The following RRBP1 variants were observed in gnomAD, a reference collection of about 807,000 sequenced individuals.
RRBP1 encodes the protein ribosome-binding protein 1.
In RRBP1, 94 loss-of-function variants were observed where a neutral mutation model predicts 165.2. The observed-to-expected ratio is 0.57, with a 90% CI of 0.48 to 0.68. The LOEUF (loss-of-function observed/expected upper bound fraction) is 0.68, where lower values mean the gene tolerates loss of function less well. RRBP1 is among the 30% of genes least tolerant of loss of function. The pLI is 0.00. For synonymous variants in RRBP1, 680 were observed against 714.5 expected (o/e 0.95, Z 0.77); for missense variants, 1,676 against 1,763.0 (o/e 0.95, Z 0.88).
intron 8 of RRBP1, among the ~76,000 whole-genome samples, chr20:17,630,777 G>A (rs2036134304): frequency 6.6e-6 from 1 of 152,244 alleles, no homozygotes; most frequent in African/African-American, 2.4e-5. Context: ...TCATTAACAA[G>A]CTTGTCTGGG....
intron 24 of RRBP1, among the ~76,000 whole-genome samples, 183 bp from the exon 25 acceptor site, chr20:17,614,403 A>G (rs1159049837): frequency 6.6e-6 from 1 of 152,090 alleles, no homozygotes; most frequent in Non-Finnish European, 1.5e-5. Context: ...GTGGGAGCTG[A>G]GGGGAAACCA....
At chr20:17,640,926 C>T (rs1414753596) in intron 5 of RRBP1, among the ~76,000 whole-genome samples, 1 of 152,228 alleles carries the variant, frequency 6.6e-6, no homozygotes, top group Admixed American at 6.5e-5. Context: ...GACAGTCCAC[C>T]ATCCAGGCCC....
At chr20:17,644,413 A>G (rs1188004498) in intron 3 of RRBP1, among the ~76,000 whole-genome samples, 1 of 152,208 alleles carries the variant, frequency 6.6e-6, no homozygotes, top group Non-Finnish European at 1.5e-5. Flanking sequence ...ATTCTAACCC[A>G]AAAGCCAAAA....
chr20:17,649,894 T>C (rs560004823), intron 3 of RRBP1, among the ~76,000 whole-genome samples: 106 of 152,214 alleles, frequency 7.0e-4, no homozygotes, highest in African/African-American at 2.3e-3. Flanking sequence ...GCCTTTAACT[T>C]CCCACCTTAC....
At chr20:17,673,472 G>C (rs907341195) in intron 2 of RRBP1, among the ~76,000 whole-genome samples, 1 of 152,098 alleles carries the variant, frequency 6.6e-6, no homozygotes, top group African/African-American at 2.4e-5. Flanking sequence ...GCAGTGGTAC[G>C]ATCCCGGCTC....
intron 2 of RRBP1, among the ~76,000 whole-genome samples, chr20:17,666,341 TAAAAAA>T (rs77772144): frequency 4.2e-5 from 6 of 142,532 alleles, no homozygotes; most frequent in African/African-American, 1.5e-4. Context: ...CCCTGTCTCT[TAAAAAA>T]AAAAAAAAAG....
chr20:17,630,081 A>T, intron 8 of RRBP1, 120 bp from the exon 9 acceptor site: 1 of 1,147,634 alleles, frequency 8.7e-7, no homozygotes, highest in Non-Finnish European at 1.2e-6. Context: ...TCTCTGGTCC[A>T]TGTGGGAAGG....
intron 19 of RRBP1, 117 bp from the exon 20 acceptor site, chr20:17,618,796 A>C: frequency 2.6e-6 from 2 of 768,078 alleles, no homozygotes; most frequent in Admixed American, 4.1e-5. Flanking sequence ...CAAAACCCTG[A>C]GGAGGGTCAC....
rs1488353594 is a variant in RRBP1 at position 17,616,855 on chromosome 20, G to A, written c.3760-16C>T. On this transcript the variant is annotated splice_polypyrimidine_tract_variant and intron_variant, in intron 20 of 24. Transcript: ENST00000377813. ...GCTGCCTGACCTGGAACAGGAAGGG[G>A]TGTGTTTGCAAATGCACAGCCAGTC... 2 of 1,594,180 alleles carry A rather than the reference G, an allele frequency of 1.3e-6. No individual in the cohort carries two copies. Among genetic ancestry groups the A allele is most frequent in the Admixed American group, 1.7e-5 (1 of 59,816 alleles).
intron 23 of RRBP1, 114 bp downstream of exon 23, chr20:17,615,317 G>T: frequency 2.5e-6 from 2 of 793,400 alleles, no homozygotes; most frequent in Non-Finnish European, 4.0e-6. Context: ...CAGTGCCAAG[G>T]GCAGGTCCCG....
intron 4 of RRBP1, 51 bp from the exon 5 acceptor site, chr20:17,641,970 C>T: frequency 4.4e-6 from 7 of 1,581,954 alleles, no homozygotes; most frequent in Non-Finnish European, 6.0e-6. Context: ...GGACTTGGCT[C>T]ATCCCCTGAC....
At chr20:17,654,907 T>C (rs1195341511) in intron 3 of RRBP1, among the ~76,000 whole-genome samples, 1 of 152,256 alleles carries the variant, frequency 6.6e-6, no homozygotes, top group African/African-American at 2.4e-5. Context: ...TCAGTTGTTT[T>C]AACATCTGGA....
At chr20:17,655,027 A>G (rs940084063) in intron 3 of RRBP1, among the ~76,000 whole-genome samples, 13 of 152,222 alleles carry the variant, frequency 8.5e-5, no homozygotes, top group African/African-American at 2.9e-4. Flanking sequence ...GAAGGGCATT[A>G]TATCAGGAAG....
chr20:17,663,645 C>T (rs1301730688), intron 2 of RRBP1, among the ~76,000 whole-genome samples: 7 of 152,212 alleles, frequency 4.6e-5, no homozygotes, highest in African/African-American at 7.2e-5. Flanking sequence ...TGCTGCTTTG[C>T]AGAGTCAGCT....
At chr20:17,671,213 C>T (rs1158240447) in intron 2 of RRBP1, among the ~76,000 whole-genome samples, 1 of 152,034 alleles carries the variant, frequency 6.6e-6, no homozygotes, top group Non-Finnish European at 1.5e-5. Context: ...TCAATCTTGC[C>T]TATTTAGTTT....
Position 17,625,503 on chromosome 20 carries a change from C to T in RRBP1, c.3054+9G>A, listed in dbSNP as rs185800521. The stretch of plus-strand genomic sequence containing the variant: ...CCCGTCCGTCCCCGCCTGTGCCTGC[C>T]GCACTCACATTGTTCTTCACTTTCT... On this transcript the variant is annotated intron_variant, in intron 12 of 24. Coordinates refer to ENST00000377813, the MANE Select transcript of RRBP1 (RefSeq NM_001365613.2). The T allele has an allele frequency of 4.2e-4, 672 of 1,612,874 alleles. 1 individual carries two copies. In the African/African-American group the frequency reaches 7.1e-3, roughly 17 times the overall value.
intron 2 of RRBP1, among the ~76,000 whole-genome samples, chr20:17,665,329 A>C (rs926265281): frequency 2.6e-5 from 4 of 152,206 alleles, no homozygotes; most frequent in African/African-American, 9.7e-5. Flanking sequence ...TTTTTTGACT[A>C]AACTTTGTGA....
In RRBP1 at chr20:17,659,656, C is replaced by G. The variant is rs1181334368; in HGVS notation, c.852G>C (p.Gly284=). 38 of 1,549,186 alleles carry G rather than the reference C, an allele frequency of 2.5e-5. No homozygotes were observed. The highest frequency in any genetic ancestry group is 3.3e-5 in the Non-Finnish European group (38 of 1,146,634). The change falls in exon 3 of 25, where the codon GGG becomes GGC. Residue 284 remains glycine, a synonymous_variant. Transcript: ENST00000377813. ...TTPNQGKKVE[G]APTQGRKAEG... Reference sequence around the variant, plus strand: ...CGGCCTTTCTGCCCTGGGTTGGGGCCCCCTCCACCTTTTTCCCCTGGTTTG... The same window carrying G: ...CGGCCTTTCTGCCCTGGGTTGGGGCGCCCTCCACCTTTTTCCCCTGGTTTG...
At position 17,624,594 on chromosome 20, in the gene RRBP1, G is replaced by A. The variant is rs1171360658; in HGVS notation, c.3129C>T (p.Leu1043=). 3 of 1,593,492 alleles carry A rather than the reference G, an allele frequency of 1.9e-6. No individual in the cohort carries two copies. The highest frequency in any genetic ancestry group is 1.1e-5 in the South Asian group (1 of 87,216). The change falls in exon 13 of 25, where the codon CTC becomes CTT. Residue 1043 remains leucine, a synonymous_variant. Coordinates refer to ENST00000377813, the MANE Select transcript of RRBP1 (RefSeq NM_001365613.2). ...TAEQACKEKL[L]SLTQAKEESE... is the part of the protein sequence containing the mutation. ...CTCTGACCTTGGCCTGGGTCAGGGA[G>A]AGCAGCTTCTCCTTGCAGGCCTGCT...
Sources: gnomAD v4.1 joint callset for allele counts (sites outside exome capture counted in the v4.1 genomes callset) on GRCh38, gnomAD v4.1.1 for gene constraint, MANE v1.5 for transcripts, NCBI Gene and HGNC (gene_info 2026-07-23, HGNC 2026-07-21) for gene names.